The following FANCL variants were observed in gnomAD, a reference collection of about 807,000 sequenced individuals.
FANCL encodes FA complementation group L.
A neutral mutation model predicts 59.4 loss-of-function variants in FANCL; 69 were observed. The observed-to-expected ratio is 1.16, with a 90% CI of 0.96 to 1.42. FANCL has a LOEUF of 1.42. Among genes scored for constraint, FANCL ranks in the 40% most tolerant of loss-of-function variants. The pLI is 0.00. For synonymous variants in FANCL, 180 were observed against 147.1 expected (o/e 1.22, Z -1.62); for missense variants, 519 against 447.2 (o/e 1.16, Z -1.45).
At chr2:58,193,407 G>A (rs1485444972) in intron 7 of FANCL, among the ~76,000 whole-genome samples, 3 of 151,576 alleles carry the variant, frequency 2.0e-5, no homozygotes, top group African/African-American at 7.3e-5. Flanking sequence ...ATCAATATAG[G>A]CTGCTTTTTA....
intron 5 of FANCL, among the ~76,000 whole-genome samples, chr2:58,211,987 C>T (rs1691209916): frequency 6.6e-6 from 1 of 152,200 alleles, no homozygotes; most frequent in South Asian, 2.1e-4. Flanking sequence ...CCTCTGCCTG[C>T]TACCCAGTTC....
chr2:58,168,607 A>C, intron 7 of FANCL, among the ~76,000 whole-genome samples: 1 of 150,254 alleles, frequency 6.7e-6, no homozygotes, highest in South Asian at 2.1e-4. Flanking sequence ...AAAACTATTC[A>C]CTCCCCTAGA....
At chr2:58,196,646 A>G (rs1157106901) in intron 7 of FANCL, among the ~76,000 whole-genome samples, 1 of 152,002 alleles carries the variant, frequency 6.6e-6, no homozygotes, top group Non-Finnish European at 1.5e-5. Flanking sequence ...CCAGTCTAGT[A>G]GAGAGTCACA....
chr2:58,217,205 TATATATATATACACACACACAC>T (rs1176714023), intron 5 of FANCL, among the ~76,000 whole-genome samples: 14 of 8,922 alleles, frequency 1.6e-3, no homozygotes, highest in African/African-American at 4.3e-3. Context: ...TATATATATA[TATATATATATACACACACACAC>T]ACACACACAC....
intron 7 of FANCL, among the ~76,000 whole-genome samples, chr2:58,176,525 G>A (rs1275475359): frequency 6.6e-6 from 1 of 152,110 alleles, no homozygotes; most frequent in Non-Finnish European, 1.5e-5. Flanking sequence ...CACAAGCAAT[G>A]GGGAAAGGAT....
intron 4 of FANCL, among the ~76,000 whole-genome samples, chr2:58,226,413 T>C (rs1417124947): frequency 6.6e-6 from 1 of 152,206 alleles, no homozygotes; most frequent in East Asian, 1.9e-4. Context: ...TAAGTAGGAC[T>C]ACCTAATCTC....
chr2:58,237,661 C>A (rs1026423814), intron 1 of FANCL, among the ~76,000 whole-genome samples: 1 of 151,974 alleles, frequency 6.6e-6, no homozygotes, highest in Non-Finnish European at 1.5e-5. Flanking sequence ...AAACCTCTAT[C>A]TAGATGTATC....
chr2:58,225,225 C>A (rs1247504281), intron 4 of FANCL, among the ~76,000 whole-genome samples: 2 of 150,510 alleles, frequency 1.3e-5, no homozygotes, highest in Non-Finnish European at 3.0e-5. Flanking sequence ...CATAAAGATA[C>A]TTTAAAAAAA....
intron 3 of FANCL, among the ~76,000 whole-genome samples, chr2:58,228,604 T>C (rs745987113): frequency 5.9e-5 from 9 of 152,358 alleles, no homozygotes; most frequent in Non-Finnish European, 4.4e-5. Flanking sequence ...AGAGATCTTA[T>C]GGCTTACTAA....
rs1685118780 is a variant in FANCL at position 58,161,269 on chromosome 2, A to G, written c.1020+253T>C. On this transcript the variant is annotated intron_variant, in intron 12 of 13. Transcript: ENST00000233741. ...CCATCAATTTAATTTGTTATGTGTC[A>G]ATAAGCTAGTCCATGAATATATTCT... 2.6e-5 allele frequency among the ~76,000 whole-genome samples: 4 copies of G among 152,086 alleles called. No homozygotes were observed. The South Asian group carries it at 8.3e-4, about 31-fold the overall frequency.
intron 5 of FANCL, among the ~76,000 whole-genome samples, chr2:58,207,415 A>G (rs933342768): frequency 6.6e-6 from 1 of 152,198 alleles, no homozygotes; most frequent in Non-Finnish European, 1.5e-5. Flanking sequence ...GTAAATGTCA[A>G]TAGCCACACA....
At chr2:58,214,578 A>T (rs1487774155) in intron 5 of FANCL, among the ~76,000 whole-genome samples, 1 of 152,016 alleles carries the variant, frequency 6.6e-6, no homozygotes, top group Non-Finnish European at 1.5e-5. Context: ...GTGTGATCTC[A>T]GCTCCCTGCA....
chr2:58,207,857 G>C (rs1188207448), intron 5 of FANCL, among the ~76,000 whole-genome samples: 1 of 152,160 alleles, frequency 6.6e-6, no homozygotes, highest in Non-Finnish European at 1.5e-5. Context: ...AAGAGTTCAA[G>C]ACCAGCCTGG....
intron 7 of FANCL, among the ~76,000 whole-genome samples, chr2:58,185,483 C>A (rs1688312303): frequency 6.6e-6 from 1 of 152,134 alleles, no homozygotes; most frequent in Admixed American, 6.6e-5. Flanking sequence ...TAGAAAGTTA[C>A]TCTATTCAAA....
chr2:58,194,712 G>C (rs937615162), intron 7 of FANCL, among the ~76,000 whole-genome samples: 2 of 151,862 alleles, frequency 1.3e-5, no homozygotes, highest in Non-Finnish European at 2.9e-5. Context: ...TACTAGGCTT[G>C]TCATGACGCA....
intron 5 of FANCL, among the ~76,000 whole-genome samples, chr2:58,219,512 GGA>G (rs1040975100): frequency 4.0e-5 from 6 of 151,770 alleles, no homozygotes; most frequent in Non-Finnish European, 7.4e-5. Flanking sequence ...AGTAAAGTGT[GGA>G]GAGAGAGAAA....
chr2:58,219,171 AATATAT>A (rs869094167), intron 5 of FANCL, among the ~76,000 whole-genome samples: 198 of 19,244 alleles, frequency 0.01, 6 homozygotes, highest in African/African-American at 0.029. Flanking sequence ...AAAAAAAAAA[AATATAT>A]ATATATATAT....
chr2:58,185,015 G>A (rs544294307), intron 7 of FANCL, among the ~76,000 whole-genome samples: 2 of 152,038 alleles, frequency 1.3e-5, no homozygotes, highest in African/African-American at 4.8e-5. Context: ...TAGGACTGCA[G>A]GAGAAAAAAG....
chr2:58,205,577 T>C (rs1690501349), intron 5 of FANCL, among the ~76,000 whole-genome samples: 1 of 151,912 alleles, frequency 6.6e-6, no homozygotes. Flanking sequence ...ATTCTCTACT[T>C]CCAGAAAAAT....
Sources: allele counts gnomAD v4.1 joint callset (sites outside exome capture counted in the v4.1 genomes callset), GRCh38; gene constraint gnomAD v4.1.1; transcripts MANE v1.5; gene names NCBI Gene and HGNC (gene_info 2026-07-23, HGNC 2026-07-21).